Variants in CSMD1 observed in about 807,000 individuals in gnomAD.
The protein encoded by CSMD1 is CUB and sushi domain-containing protein 1.
A neutral mutation model predicts 417.5 loss-of-function variants in CSMD1; 213 were observed. The observed-to-expected ratio is 0.51, with a 90% confidence interval of 0.46 to 0.57. The LOEUF (loss-of-function observed/expected upper bound fraction) is 0.57. Ranked by LOEUF, CSMD1 falls within the 20% of genes least tolerant of loss-of-function variation. The probability of loss-of-function intolerance (pLI) is 0.00; values close to 1 mark genes in which losing one functional copy is unlikely to be tolerated. For missense variants in CSMD1, 6,923 were observed against 4,529.7 expected (o/e 1.53, Z -15.17); for synonymous variants, 2,862 against 1,736.8 (o/e 1.65, Z -16.11).
At chr8:4,201,540 C>CAAAAAAAAAAAAAAAAAAAA (rs1157479482) in intron 3 of CSMD1, among the ~76,000 whole-genome samples, 3 of 59,030 alleles carry the variant, frequency 5.1e-5, no homozygotes, top group African/African-American at 2.2e-4. Flanking sequence ...TCTGTCTCCA[C>CAAAAAAAAAAAAAAAAAAAA]AAAAAAAAAA....
At chr8:4,432,865 C>T (rs899830301) in intron 2 of CSMD1, among the ~76,000 whole-genome samples, 7 of 152,150 alleles carry the variant, frequency 4.6e-5, no homozygotes, top group Admixed American at 1.3e-4. Context: ...TCTCCAACCG[C>T]GAGCCACGAA....
intron 10 of CSMD1, among the ~76,000 whole-genome samples, chr8:3,498,918 T>G: frequency 6.7e-6 from 1 of 149,950 alleles, no homozygotes; most frequent in Non-Finnish European, 1.5e-5. Flanking sequence ...TTGAATTGTC[T>G]ATTTTTATTC....
chr8:3,768,176 A>G (rs1043255702), intron 5 of CSMD1, among the ~76,000 whole-genome samples: 1 of 152,190 alleles, frequency 6.6e-6, no homozygotes, highest in Non-Finnish European at 1.5e-5. Flanking sequence ...AAGCCCAGAA[A>G]TTAAGGGAAT....
At chr8:3,442,119 G>C (rs1236278319) in intron 12 of CSMD1, among the ~76,000 whole-genome samples, 3 of 151,500 alleles carry the variant, frequency 2.0e-5, no homozygotes, top group African/African-American at 4.8e-5. Context: ...TACAGAAGAA[G>C]ACTATAAAAA....
At chr8:3,891,287 T>C (rs774177600) in intron 5 of CSMD1, among the ~76,000 whole-genome samples, 1 of 152,082 alleles carries the variant, frequency 6.6e-6, no homozygotes, top group Non-Finnish European at 1.5e-5. Flanking sequence ...CTTGCTCAAG[T>C]GATCTACCTG....
At chr8:4,003,957 A>G (rs1036497151) in intron 4 of CSMD1, among the ~76,000 whole-genome samples, 1 of 152,092 alleles carries the variant, frequency 6.6e-6, no homozygotes, top group Non-Finnish European at 1.5e-5. Flanking sequence ...AAACAAAAAA[A>G]CCATCAACTG....
intron 10 of CSMD1, among the ~76,000 whole-genome samples, chr8:3,546,902 C>T (rs1798690239): frequency 6.6e-6 from 1 of 152,126 alleles, no homozygotes; most frequent in South Asian, 2.1e-4. Flanking sequence ...AAAATGTTTC[C>T]ACTGCTGCTT....
chr8:4,254,654 G>T (rs538636430), intron 3 of CSMD1, among the ~76,000 whole-genome samples: 5 of 152,108 alleles, frequency 3.3e-5, no homozygotes, highest in African/African-American at 1.2e-4. Context: ...GGTAACTGCC[G>T]TAGACAGGTG....
In CSMD1 at chr8:3,825,635, G is replaced by C. The variant is rs1022734119; in HGVS notation, c.819-71593C>G. On this transcript the variant is annotated intron_variant, in intron 5 of 69. Transcript: ENST00000635120. ...TACAGTTGGTTCTTAGGAAATAAAA[G>C]ACAACAGCCAAATGCGACTGAGGCC... is the stretch of plus-strand genomic sequence containing the variant. 2.6e-5 allele frequency among the ~76,000 whole-genome samples: 4 copies of C among 152,252 alleles called. No homozygotes were observed. The South Asian group carries it at 6.2e-4, about 24-fold the overall frequency.
At chr8:3,504,514 T>A (rs1485158836) in intron 10 of CSMD1, among the ~76,000 whole-genome samples, 1 of 152,182 alleles carries the variant, frequency 6.6e-6, no homozygotes, top group Non-Finnish European at 1.5e-5. Flanking sequence ...TGGCAACCCT[T>A]CATAAAAACC....
chr8:3,292,523 C>G (rs779350293), intron 25 of CSMD1, among the ~76,000 whole-genome samples: 2 of 152,034 alleles, frequency 1.3e-5, no homozygotes, highest in African/African-American at 2.4e-5. Flanking sequence ...GTATTGGGTA[C>G]ATATATATTT....
chr8:4,299,367 G>C (rs1797859012), intron 3 of CSMD1, among the ~76,000 whole-genome samples: 1 of 152,220 alleles, frequency 6.6e-6, no homozygotes, highest in East Asian at 1.9e-4. Flanking sequence ...TATTGTAAGT[G>C]TCTGAAGTGA....
At chr8:3,790,363 G>C (rs897928710) in intron 5 of CSMD1, among the ~76,000 whole-genome samples, 4 of 152,136 alleles carry the variant, frequency 2.6e-5, no homozygotes, top group African/African-American at 7.2e-5. Flanking sequence ...GGTGGTGATA[G>C]TGACGGTGAT....
At chr8:3,066,708 G>T (rs564305836) in intron 49 of CSMD1, among the ~76,000 whole-genome samples, 2 of 152,236 alleles carry the variant, frequency 1.3e-5, no homozygotes, top group East Asian at 1.9e-4. Flanking sequence ...ACTGAAGGCT[G>T]GTCATAAGGG....
At chr8:3,477,212 G>A (rs1009904392) in intron 11 of CSMD1, among the ~76,000 whole-genome samples, 1 of 152,192 alleles carries the variant, frequency 6.6e-6, no homozygotes, top group Non-Finnish European at 1.5e-5. Context: ...TGCAATATGA[G>A]ATGCCTGGAT....
Position 3,446,534 on chromosome 8 carries a change from G to C in CSMD1, c.1561+22178C>G, listed in dbSNP as rs535834485. Among the ~76,000 whole-genome samples the C allele has an allele frequency of 3.9e-5, 6 of 152,296 alleles. No individual in the cohort carries two copies. In the East Asian group the frequency reaches 1.2e-3, roughly 29 times the overall value. ...TGCTAGAAACAAAAAGCAAACTCAA[G>C]GATAGAGTGCAGGTAGTGACAGGAT... is the stretch of plus-strand genomic sequence containing the variant. On this transcript the variant is annotated intron_variant, in intron 12 of 69. Transcript: ENST00000635120.
chr8:3,894,939 A>C lies in CSMD1; in HGVS notation c.818+102964T>G, dbSNP rs533351125. Among the ~76,000 whole-genome samples, 91 of 152,288 alleles carry C rather than the reference A, an allele frequency of 6.0e-4. 3 individuals carry two copies. The South Asian group carries it at 0.018, about 31-fold the overall frequency. ...TCAACACTGTACCATACAGATGACA[A>C]TTTCCAATATGATGAATAGGGTAAT... On this transcript the variant is annotated intron_variant, in intron 5 of 69. Coordinates refer to ENST00000635120, the MANE Select transcript of CSMD1 (RefSeq NM_033225.6).
At chr8:3,475,863 C>A (rs1305092259) in intron 11 of CSMD1, among the ~76,000 whole-genome samples, 2 of 152,188 alleles carry the variant, frequency 1.3e-5, no homozygotes, top group Non-Finnish European at 2.9e-5. Flanking sequence ...TGTAACTAAA[C>A]TCTTTCCAAT....
At chr8:4,796,820 G>A (rs1020388353) in intron 1 of CSMD1, among the ~76,000 whole-genome samples, 20 of 152,002 alleles carry the variant, frequency 1.3e-4, no homozygotes, top group Admixed American at 9.8e-4. Flanking sequence ...TGTTTATCTT[G>A]TGCAGTACAA....
Sources: gnomAD v4.1 joint callset for allele counts (sites outside exome capture counted in the v4.1 genomes callset) on GRCh38, gnomAD v4.1.1 for gene constraint, MANE v1.5 for transcripts, NCBI Gene and HGNC (gene_info 2026-07-23, HGNC 2026-07-21) for gene names.